Variants in TCERG1 observed in about 807,000 individuals in gnomAD.
TCERG1 encodes the protein transcription elongation regulator 1.
A neutral mutation model predicts 144.7 loss-of-function variants in TCERG1; 37 were observed. That is an observed-to-expected ratio of 0.26 (90% CI 0.20 to 0.34). The LOEUF (loss-of-function observed/expected upper bound fraction) is 0.34. Ranked by LOEUF, TCERG1 falls within the 10% of genes least tolerant of loss-of-function variation. The pLI, the probability that TCERG1 is intolerant of heterozygous loss-of-function variation, is 1.00. For synonymous variants in TCERG1, 492 were observed against 458.2 expected, an observed-to-expected ratio of 1.07 and a Z score of -0.94; for missense variants, 1,027 against 1,380.7, an observed-to-expected ratio of 0.74 and a Z score of 4.06.
chr5:146,471,076 G>A (rs74751947), intron 8 of TCERG1, among the ~76,000 whole-genome samples: 385 of 152,298 alleles, frequency 2.5e-3, no homozygotes, highest in African/African-American at 8.6e-3. Context: ...TATTTTATCT[G>A]TCCTTTCTGC....
intron 9 of TCERG1, among the ~76,000 whole-genome samples, chr5:146,477,958 C>T (rs752781049): frequency 3.3e-5 from 5 of 152,042 alleles, no homozygotes; most frequent in Non-Finnish European, 7.4e-5. Context: ...CTGCTTTGGC[C>T]TCCCAAAGTG....
In TCERG1 at chr5:146,510,443, C is replaced by T; in HGVS notation, c.3149C>T (p.Ser1050Phe). 1 of 1,610,532 alleles carries T rather than the reference C, an allele frequency of 6.2e-7. No homozygotes were observed. Among genetic ancestry groups the T allele is most frequent in the Non-Finnish European group, 8.5e-7 (1 of 1,177,168 alleles). Residue 1050 changes from serine to phenylalanine, a missense_variant and splice_region_variant, in exon 23 of 23, where the codon TCC (serine) becomes TTC (phenylalanine). This residue lies in a region of TCERG1 where 133 missense variants were observed against 283.2 expected (regional missense o/e 0.47). Transcript: ENST00000679501. ...TGGACTTCTTTTTCTTATTTCAGAT[C>T]CAAAAAATTAATCCAAGAATCAGAT... ...LKETKFITYR[S>F]KKLIQESDQH...
intron 16 of TCERG1, among the ~76,000 whole-genome samples, chr5:146,497,848 T>C (rs1192669019): frequency 6.6e-6 from 1 of 152,226 alleles, no homozygotes; most frequent in East Asian, 1.9e-4. Context: ...TCTTCTATGC[T>C]CTTAACCCTG....
In TCERG1 at chr5:146,510,559, G is replaced by A. The variant is rs1038593362; in HGVS notation, c.3265G>A (p.Val1089Met). The A allele has an allele frequency of 3.1e-6, 5 of 1,614,126 alleles. No individual in the cohort carries two copies. The highest frequency in any genetic ancestry group is 4.2e-6 in the Non-Finnish European group (5 of 1,180,024). ...GCCAGAGGAGAGGCGTAAACTGATTGTGGCATATGTTGATGACCTGGATCG... is the reference window on the plus strand; with the variant it reads ...GCCAGAGGAGAGGCGTAAACTGATTATGGCATATGTTGATGACCTGGATCG... Reference protein sequence around the residue: ...CVPEERRKLIVAYVDDLDRRG... With the variant: ...CVPEERRKLIMAYVDDLDRRG... Residue 1089 changes from valine (V) to methionine (M), a missense_variant, in exon 23 of 23, where the codon GTG (valine) becomes ATG (methionine). By Grantham distance (21) the Val-to-Met change is conservative (BLOSUM62 1). This residue lies in a region of TCERG1 where 133 missense variants were observed against 283.2 expected (regional missense o/e 0.47). Transcript: ENST00000679501.
intron 1 of TCERG1, among the ~76,000 whole-genome samples, chr5:146,448,966 G>A (rs1762131551): frequency 6.6e-6 from 1 of 152,152 alleles, no homozygotes; most frequent in Non-Finnish European, 1.5e-5. Flanking sequence ...AGACACTGTT[G>A]CACAACTGAT....
chr5:146,452,960 A>G (rs1012364542), intron 1 of TCERG1, among the ~76,000 whole-genome samples: 16 of 152,122 alleles, frequency 1.1e-4, no homozygotes, highest in Middle Eastern at 3.2e-3. Context: ...TTAGTTCTTT[A>G]TCTATAAACT....
intron 4 of TCERG1, chr5:146,462,119 C>T (rs1370040864): frequency 3.3e-5 from 5 of 152,528 alleles, no homozygotes; most frequent in South Asian, 2.1e-4. Flanking sequence ...TTAACAAGTA[C>T]GAAATTGCTC....
At chr5:146,452,155 A>G (rs1762413248) in intron 1 of TCERG1, among the ~76,000 whole-genome samples, 1 of 152,152 alleles carries the variant, frequency 6.6e-6, no homozygotes, top group Non-Finnish European at 1.5e-5. Flanking sequence ...GTAAATTTAG[A>G]GAAAGTTCAA....
chr5:146,454,407 C>T (rs1190040058), intron 1 of TCERG1, among the ~76,000 whole-genome samples: 3 of 151,672 alleles, frequency 2.0e-5, no homozygotes, highest in Non-Finnish European at 2.9e-5. Flanking sequence ...TTCCTTATTA[C>T]GTAGATTATG....
intron 4 of TCERG1, among the ~76,000 whole-genome samples, chr5:146,459,778 A>C (rs563034572): frequency 1.3e-5 from 2 of 152,242 alleles, no homozygotes; most frequent in Admixed American, 1.3e-4. Context: ...GGTGGACTAC[A>C]TGGGTATTTA....
In TCERG1 at chr5:146,481,193, CTATT is replaced by C. The variant is rs1561673502; in HGVS notation, c.1933_1936del (p.Phe645GlyfsTer35). 2 of 985,114 alleles carry C rather than the reference CTATT, an allele frequency of 2.0e-6. No homozygotes were observed. The highest frequency in any genetic ancestry group is 1.1e-4 in the East Asian group (1 of 8,830). 61.0% of individuals were successfully genotyped at this position (985,114 alleles called of 1,614,324 possible). On this transcript the variant is annotated frameshift_variant, in exon 13 of 23. Coordinates refer to ENST00000679501, the MANE Select transcript of TCERG1 (RefSeq NM_001382548.1). LOFTEE classifies it high-confidence loss of function. ...CTTTATGTGGATTGCCCGAGCTTCT[CTATT>C]TAGGTACAAAGCTAAAAGCCTGTTT...
chr5:146,454,877 T>C (rs894580371), intron 1 of TCERG1, among the ~76,000 whole-genome samples, 179 bp from the exon 2 acceptor site: 2 of 152,208 alleles, frequency 1.3e-5, no homozygotes, highest in Non-Finnish European at 2.9e-5. Flanking sequence ...GGATTACAGA[T>C]GTGAGCCACT....
At chr5:146,477,230 G>C (rs1368390918) in intron 9 of TCERG1, among the ~76,000 whole-genome samples, 1 of 151,312 alleles carries the variant, frequency 6.6e-6, no homozygotes, top group Non-Finnish European at 1.5e-5. Flanking sequence ...TTTATTTTAA[G>C]TGTGTTTTTC....
chr5:146,468,259 G>T, intron 5 of TCERG1, 82 bp from the exon 6 acceptor site: 1 of 1,071,116 alleles, frequency 9.3e-7, no homozygotes, highest in South Asian at 1.9e-5. Flanking sequence ...AAATTGTAGT[G>T]GTAAATTATT....
At chr5:146,471,747 C>A (rs111755786) in intron 9 of TCERG1, among the ~76,000 whole-genome samples, 171 bp downstream of exon 9, 1 of 152,156 alleles carries the variant, frequency 6.6e-6, no homozygotes, top group East Asian at 1.9e-4. Context: ...TACAGGCACA[C>A]GCCACCATGC....
chr5:146,450,371 T>A (rs946731677), intron 1 of TCERG1, among the ~76,000 whole-genome samples: 2 of 152,152 alleles, frequency 1.3e-5, no homozygotes, highest in Non-Finnish European at 2.9e-5. Context: ...TTCAAAGTAA[T>A]AAACTTGAAA....
At chr5:146,475,788 T>C (rs1764786850) in intron 9 of TCERG1, among the ~76,000 whole-genome samples, 2 of 152,274 alleles carry the variant, frequency 1.3e-5, no homozygotes, top group South Asian at 4.1e-4. Context: ...CTGGGATGCT[T>C]ATAGAGAGAT....
intron 9 of TCERG1, among the ~76,000 whole-genome samples, chr5:146,476,728 C>T (rs563019594): frequency 1.3e-5 from 2 of 152,292 alleles, no homozygotes; most frequent in South Asian, 2.1e-4. Flanking sequence ...AATTTTCGGA[C>T]TTGGGGGTCC....
rs762326791 is a variant in TCERG1, at chr5:146,510,512, G to A, written c.3218G>A (p.Arg1073Gln). ...GAAAAAATTTTACAGAATGACAAAC[G>A]GTATCTAGTACTGGACTGTGTGCCA... is the stretch of plus-strand genomic sequence containing the variant. The part of the protein sequence containing the change: ...DVEKILQNDK[R>Q]YLVLDCVPEE... The change falls in exon 23 of 23, where the codon CGG becomes CAG. Residue 1073 changes from arginine to glutamine, a missense_variant. Transcript: ENST00000679501. 1.2e-6 allele frequency: 2 copies of A among 1,614,006 alleles called. No individual in the cohort carries two copies. Among genetic ancestry groups the A allele is most frequent in the East Asian group, 2.2e-5 (1 of 44,864 alleles).
Sources: gnomAD v4.1 joint callset for allele counts (sites outside exome capture counted in the v4.1 genomes callset) on GRCh38, gnomAD v4.1.1 for gene constraint, gnomAD v4.1.1 regional missense constraint, MANE v1.5 for transcripts, NCBI Gene and HGNC (gene_info 2026-07-23, HGNC 2026-07-21) for gene names.